Variants in RORB observed in about 807,000 individuals in gnomAD.
The protein encoded by RORB is nuclear receptor ROR-beta.
A neutral mutation model predicts 59.1 loss-of-function variants in RORB; 6 were observed. That is an observed-to-expected ratio of 0.10 (90% confidence interval 0.06 to 0.20). The LOEUF (loss-of-function observed/expected upper bound fraction) is 0.20. Among genes scored for constraint, RORB ranks in the 10% least tolerant of loss-of-function variants. The pLI, the probability that RORB is intolerant of heterozygous loss-of-function variation, is 1.00. For synonymous variants in RORB, 215 were observed against 204.5 expected (o/e 1.05, Z -0.44); for missense variants, 320 against 560.5 (o/e 0.57, Z 4.33).
intron 1 of RORB, among the ~76,000 whole-genome samples, chr9:74,613,653 G>C (rs1028764823): frequency 1.3e-5 from 2 of 152,158 alleles, no homozygotes; most frequent in Non-Finnish European, 2.9e-5. Flanking sequence ...GGCATCCACA[G>C]CTGAGAACCA....
intron 1 of RORB, among the ~76,000 whole-genome samples, chr9:74,587,897 G>A (rs569470314): frequency 4.6e-5 from 7 of 152,290 alleles, no homozygotes; most frequent in African/African-American, 1.7e-4. Context: ...AGAGAAATGT[G>A]CAACATAGGG....
chr9:74,593,219 C>A (rs1002140260), intron 1 of RORB, among the ~76,000 whole-genome samples: 5 of 152,112 alleles, frequency 3.3e-5, no homozygotes, highest in African/African-American at 9.7e-5. Context: ...ATAATCCCAG[C>A]ACTTTGGGAG....
intron 1 of RORB, among the ~76,000 whole-genome samples, chr9:74,545,760 C>CTATAT (rs778068229): frequency 7.9e-5 from 12 of 152,060 alleles, no homozygotes; most frequent in Non-Finnish European, 1.6e-4. Context: ...AGAATATTAA[C>CTATAT]CTGCTATATG....
At chr9:74,660,816 G>T in intron 5 of RORB, 78 bp downstream of exon 5, 1 of 1,435,410 alleles carries the variant, frequency 7.0e-7, no homozygotes, top group Non-Finnish European at 9.5e-7. Flanking sequence ...CTATTGGCAT[G>T]TTGCACTGGG....
At chr9:74,643,244 C>CA (rs1410849191) in intron 4 of RORB, among the ~76,000 whole-genome samples, 1 of 152,116 alleles carries the variant, frequency 6.6e-6, no homozygotes, top group East Asian at 1.9e-4. Flanking sequence ...TAAATGGGGA[C>CA]AAACTTTAAG....
rs1397029099 is a variant in RORB at position 74,647,987 on chromosome 9, A to C, written c.637+5172A>C. On this transcript the variant is annotated intron_variant, in intron 4 of 9. Coordinates refer to ENST00000376896, the MANE Select transcript of RORB (RefSeq NM_006914.4). Reference sequence around the variant, plus strand: ...ATGCACATCTAACTACCCATGCAGAAATGGTGCAGAGAATAGAACTTAACT... The same window carrying C: ...ATGCACATCTAACTACCCATGCAGACATGGTGCAGAGAATAGAACTTAACT... Among the ~76,000 whole-genome samples, 60 of 152,196 alleles carry C rather than the reference A, an allele frequency of 3.9e-4. 1 individual carries two copies. Among genetic ancestry groups the C allele is most frequent in the Admixed American group, 3.9e-3 (60 of 15,264 alleles).
Position 74,655,390 on chromosome 9 carries a change from TCGACATGTACCATCTGCAGCCC to T in RORB, c.638-5226_638-5205del, listed in dbSNP as rs546234711. Among the ~76,000 whole-genome samples the T allele has an allele frequency of 1.3e-3, 199 of 152,284 alleles. 3 individuals are homozygous for T. The highest frequency in any genetic ancestry group is 9.8e-3 in the South Asian group (47 of 4,818). Reference sequence around the variant, plus strand: ...AGCACAGAGCATACTGACTTCTTCTTCGACATGTACCATCTGCAGCCCAAGCTAGTCAAAGAAGCCAACAAAA... The same window carrying T: ...AGCACAGAGCATACTGACTTCTTCTTAAGCTAGTCAAAGAAGCCAACAAAA... On this transcript the variant is annotated intron_variant, in intron 4 of 9. Transcript: ENST00000376896.
chr9:74,642,939 G>A, intron 4 of RORB, 124 bp downstream of exon 4: 2 of 625,432 alleles, frequency 3.2e-6, no homozygotes, highest in Non-Finnish European at 5.1e-6. Context: ...AGCTTCTACT[G>A]AGAAAACAAA....
chr9:74,567,741 TAA>T (rs1352335693), intron 1 of RORB, among the ~76,000 whole-genome samples: 10 of 152,334 alleles, frequency 6.6e-5, no homozygotes, highest in African/African-American at 2.4e-4. Context: ...TTATGAAAGA[TAA>T]AGACTCAGCA....
At chr9:74,660,363 G>C (rs2118510286) in intron 4 of RORB, among the ~76,000 whole-genome samples, 1 of 152,082 alleles carries the variant, frequency 6.6e-6, no homozygotes, top group South Asian at 2.1e-4. Flanking sequence ...ACCTTTGAAT[G>C]GTTTCCAACT....
At chr9:74,599,035 C>CA (rs1186650706) in intron 1 of RORB, among the ~76,000 whole-genome samples, 4 of 152,298 alleles carry the variant, frequency 2.6e-5, no homozygotes, top group East Asian at 3.9e-4. Flanking sequence ...CCAAGACATG[C>CA]ATGAGGGAGC....
rs1341492508 is a variant in RORB at position 74,692,166 on chromosome 9, G to A, written c.*6548G>A. On this transcript the variant is annotated 3_prime_UTR_variant, in exon 10 of 10. Coordinates refer to ENST00000376896, the MANE Select transcript of RORB (RefSeq NM_006914.4). ...ACCTTCACCAAATAAATGTTGTAAA[G>A]AACCTAGGGGAGGGTTGGGGAGAGA... 1 of 152,154 alleles carries A rather than the reference G, an allele frequency of 6.6e-6. No individual in the cohort carries two copies. Among genetic ancestry groups the A allele is most frequent in the Non-Finnish European group, 1.5e-5 (1 of 68,020 alleles). 9.4% of individuals were successfully genotyped at this position (152,154 alleles called of 1,614,324 possible). A position where few individuals can be genotyped will look rare whatever the true frequency, so the allele number is the denominator to read the frequency against.
rs535964814 is a variant in RORB, at chr9:74,637,679, T to G, written c.235+2907T>G. 7.9e-5 allele frequency among the ~76,000 whole-genome samples: 12 copies of G among 152,276 alleles called. No homozygotes were observed. The East Asian group carries it at 1.9e-3, about 24-fold the overall frequency. ...ATAAATTGATACTCACTAGTATATG[T>G]CCTCCCAAGTGGCATGTCTCTACAA... On this transcript the variant is annotated intron_variant, in intron 3 of 9. Coordinates refer to ENST00000376896, the MANE Select transcript of RORB (RefSeq NM_006914.4).
intron 5 of RORB, among the ~76,000 whole-genome samples, chr9:74,662,057 A>G (rs1824193879): frequency 6.6e-6 from 1 of 152,216 alleles, no homozygotes; most frequent in South Asian, 2.1e-4. Flanking sequence ...GATGTCATGG[A>G]AGCCTGTGAA....
chr9:74,558,967 T>C (rs1445949698), intron 1 of RORB, among the ~76,000 whole-genome samples: 1 of 152,194 alleles, frequency 6.6e-6, no homozygotes, highest in South Asian at 2.1e-4. Context: ...AAGTGGTCAT[T>C]GCTACCAACA....
rs1824709224 is a variant in RORB, at chr9:74,689,708, CTGTT to C, written c.*4094_*4097del. The C allele has an allele frequency of 2.6e-5, 4 of 152,326 alleles. No individual in the cohort carries two copies. In the Middle Eastern group the frequency reaches 0.01, roughly 389 times the overall value. 9.4% of individuals were successfully genotyped at this position (152,326 alleles called of 1,614,324 possible). A position where few individuals can be genotyped will look rare whatever the true frequency, so the allele number is the denominator to read the frequency against. ...ATAATCTCAGAGCAGTCAAGCTAAA[CTGTT>C]TGTAGAAAACCATGAAGATCAACTC... is the stretch of plus-strand genomic sequence containing the variant. On this transcript the variant is annotated 3_prime_UTR_variant, in exon 10 of 10. Coordinates refer to ENST00000376896, the MANE Select transcript of RORB (RefSeq NM_006914.4).
intron 1 of RORB, among the ~76,000 whole-genome samples, chr9:74,600,540 C>T (rs894457305): frequency 3.3e-5 from 5 of 152,158 alleles, no homozygotes; most frequent in African/African-American, 1.2e-4. Context: ...GTCCATCACC[C>T]ACAATTGTCA....
chr9:74,509,734 A>G (rs922586611), intron 1 of RORB, among the ~76,000 whole-genome samples: 1 of 152,046 alleles, frequency 6.6e-6, no homozygotes, highest in Non-Finnish European at 1.5e-5. Context: ...TCATCAACAC[A>G]CTATTTAAAT....
chr9:74,637,582 A>AC (rs1823727209), intron 3 of RORB, among the ~76,000 whole-genome samples: 2 of 11,802 alleles, frequency 1.7e-4, no homozygotes, highest in Non-Finnish European at 0.012. Context: ...CTTCTCCATC[A>AC]TTTTATTTTT....
Sources: allele counts gnomAD v4.1 joint callset (sites outside exome capture counted in the v4.1 genomes callset), GRCh38; gene constraint gnomAD v4.1.1; transcripts MANE v1.5; gene names NCBI Gene and HGNC (gene_info 2026-07-23, HGNC 2026-07-21).